Variants in UPF3A observed in about 807,000 individuals in gnomAD.
UPF3A encodes UPF3A regulator of nonsense mediated mRNA decay.
A neutral mutation model predicts 53.5 loss-of-function variants in UPF3A; 42 were observed. The ratio of observed to expected loss-of-function variants is 0.78; its 90% CI spans 0.61 to 1.01. UPF3A has a LOEUF of 1.01. Among genes scored for constraint, UPF3A ranks in the 50% least tolerant of loss-of-function variants. UPF3A has a pLI of 0.00. For synonymous variants in UPF3A, 237 were observed against 225.3 expected (o/e 1.05, Z -0.47); for missense variants, 575 against 598.0 (o/e 0.96, Z 0.40).
At chr13:114,282,276 C>T in intron 2 of UPF3A, 149 bp downstream of exon 2, 1 of 816,856 alleles carries the variant, frequency 1.2e-6, no homozygotes, top group African/African-American at 1.8e-5. Flanking sequence ...TAAAACGTGT[C>T]CGTTCCGTCA....
intron 3 of UPF3A, chr13:114,283,365 A>G (rs1050185584): frequency 6.5e-6 from 1 of 153,156 alleles, no homozygotes; most frequent in African/African-American, 2.4e-5. Flanking sequence ...AAATAAGTTT[A>G]TAAATTTTGA....
At chr13:114,282,253 A>T in intron 2 of UPF3A, 126 bp downstream of exon 2, 1 of 887,668 alleles carries the variant, frequency 1.1e-6, no homozygotes, top group South Asian at 1.8e-5. Flanking sequence ...CTTTTTGAAT[A>T]AATACATTTC....
In UPF3A at chr13:114,282,948, G is replaced by C. The variant is rs1487237287; in HGVS notation, c.421+5G>C. ...ATATCTTCCTTGACAGCAAAGGTTG[G>C]ATTATTGGTTTTTAAAAATCTATTA... On this transcript the variant is annotated splice_donor_5th_base_variant and intron_variant, in intron 3 of 9. Coordinates refer to ENST00000375299, the MANE Select transcript of UPF3A (RefSeq NM_023011.4). The C allele has an allele frequency of 1.3e-6, 2 of 1,583,444 alleles. No homozygotes were observed. The highest frequency in any genetic ancestry group is 2.7e-5 in the African/African-American group (2 of 73,806).
At chr13:114,301,670 G>A (rs2086620956) in intron 8 of UPF3A, 61 bp from the exon 9 acceptor site, 1 of 1,546,910 alleles carries the variant, frequency 6.5e-7, no homozygotes, top group East Asian at 2.3e-5. Flanking sequence ...GGTCTAGAAA[G>A]GAGGGTGGGC....
intron 8 of UPF3A, 72 bp downstream of exon 8, chr13:114,299,072 A>G: frequency 7.1e-7 from 1 of 1,417,318 alleles, no homozygotes; most frequent in Non-Finnish European, 9.3e-7. Context: ...CAGTATGAGT[A>G]TGCCTATTTC....
chr13:114,286,853 G>C (rs2084743279), intron 5 of UPF3A: 1 of 535,740 alleles, frequency 1.9e-6, no homozygotes, highest in Non-Finnish European at 3.4e-6. Context: ...TTTTAGTTAA[G>C]ATCATTTTAA....
chr13:114,287,589 CAAAA>C (rs940648494), intron 5 of UPF3A: 1 of 152,104 alleles, frequency 6.6e-6, no homozygotes, highest in African/African-American at 2.4e-5. Context: ...GACTCCATCT[CAAAA>C]AACCAATAAA....
chr13:114,300,331 A>C (rs1356059840), intron 8 of UPF3A, among the ~76,000 whole-genome samples: 3 of 152,294 alleles, frequency 2.0e-5, no homozygotes, highest in Admixed American at 2.0e-4. Context: ...TTTTATCTGT[A>C]GAAAAGAAGG....
chr13:114,298,923 C>T lies in UPF3A; in HGVS notation c.930C>T (p.Gly310=). 6.2e-7 allele frequency: 1 copy of T among 1,608,862 alleles called. No individual in the cohort carries two copies. Among genetic ancestry groups the T allele is most frequent in the Non-Finnish European group, 8.5e-7 (1 of 1,177,786 alleles). The change falls in exon 8 of 10, where the codon GGC becomes GGT. Residue 310 remains glycine, a synonymous_variant. Coordinates refer to ENST00000375299, the MANE Select transcript of UPF3A (RefSeq NM_023011.4). ...ERGEEIDTGG[G]KQESCAPGAV... ...GAGAGGAGATTGATACTGGAGGTGG[C>T]AAGCAGGAATCCTGTGCCCCCGGTG...
At chr13:114,304,704 C>A in intron 9 of UPF3A, 85 bp from the exon 10 acceptor site, 3 of 1,518,698 alleles carry the variant, frequency 2.0e-6, no homozygotes, top group Non-Finnish European at 2.7e-6. Context: ...CAATTCATAT[C>A]ATCAAGTTCT....
At chr13:114,292,636 C>T (rs1437965166) in intron 7 of UPF3A, among the ~76,000 whole-genome samples, 1 of 149,414 alleles carries the variant, frequency 6.7e-6, no homozygotes, top group Non-Finnish European at 1.5e-5. Flanking sequence ...AGGTGTGTTA[C>T]GTGTTCATTT....
intron 8 of UPF3A, 64 bp from the exon 9 acceptor site, chr13:114,301,667 A>C (rs2086620330): frequency 1.3e-6 from 2 of 1,541,150 alleles, no homozygotes; most frequent in African/African-American, 1.4e-5. Flanking sequence ...TGTGGTCTAG[A>C]AAGGAGGGTG....
rs370734483 is a variant in UPF3A at position 114,298,935 on chromosome 13, C to T, written c.942C>T (p.Ser314=). 1 of 1,610,644 alleles carries T rather than the reference C, an allele frequency of 6.2e-7. No individual in the cohort carries two copies. The highest frequency in any genetic ancestry group is 1.3e-5 in the African/African-American group (1 of 74,736). The change falls in exon 8 of 10, where the codon TCC becomes TCT. Residue 314 remains serine (S), a synonymous_variant. Transcript: ENST00000375299. ...ATACTGGAGGTGGCAAGCAGGAATC[C>T]TGTGCCCCCGGTGCAGTCGTAAAAG... ...EIDTGGGKQE[S]CAPGAVVKAR...
chr13:114,288,682 G>T (rs150368627), intron 5 of UPF3A, among the ~76,000 whole-genome samples: 11 of 152,200 alleles, frequency 7.2e-5, no homozygotes, highest in Admixed American at 2.0e-4. Flanking sequence ...AGAGATGAGC[G>T]TGTGTTTTGG....
rs536943663 is a variant in UPF3A, at chr13:114,294,945, T to C, written c.846+3153T>C. Among the ~76,000 whole-genome samples, 6 of 151,074 alleles carry C rather than the reference T, an allele frequency of 4.0e-5. No individual in the cohort carries two copies. The East Asian group carries it at 1.2e-3, about 29-fold the overall frequency. On this transcript the variant is annotated intron_variant, in intron 7 of 9. Transcript: ENST00000375299. ...GGCTAACACGGTGAAACCCTATCTC[T>C]ACTAAAAATACAAAAAATTAGCTGG...
chr13:114,284,255 G>A (rs1016481472), intron 3 of UPF3A, among the ~76,000 whole-genome samples: 3 of 152,050 alleles, frequency 2.0e-5, no homozygotes, highest in African/African-American at 4.8e-5. Flanking sequence ...CCAGCTACTC[G>A]GAAGACTGAG....
In UPF3A at chr13:114,281,802, G is replaced by T. The variant is rs1399862043; in HGVS notation, c.163G>T (p.Gly55Cys). 31 of 1,554,180 alleles carry T rather than the reference G, an allele frequency of 2.0e-5. No homozygotes were observed. Among genetic ancestry groups the T allele is most frequent in the Non-Finnish European group, 2.7e-5 (31 of 1,149,774 alleles). ...AACTTCGTCCTCCGGTTGCGGGGGCGGTGCGGGCAAACCTCGCGAGGAGAA... is the reference window on the plus strand; with the variant it reads ...AACTTCGTCCTCCGGTTGCGGGGGCTGTGCGGGCAAACCTCGCGAGGAGAA... ...PPTSSSGCGG[G>C]AGKPREEKRT... The change falls in exon 1 of 10, where the codon GGT (glycine) becomes TGT (cysteine). Residue 55 changes from glycine (G) to cysteine (C), a missense_variant. By Grantham distance (159) the Gly-to-Cys change is radical (BLOSUM62 -3). Transcript: ENST00000375299.
chr13:114,289,522 C>CAA (rs144534172), intron 5 of UPF3A, among the ~76,000 whole-genome samples: 11 of 103,510 alleles, frequency 1.1e-4, no homozygotes, highest in African/African-American at 1.9e-4. Flanking sequence ...GACTCCATCT[C>CAA]AAAAAAAAAA....
chr13:114,301,184 A>AAACG (rs1212019948), intron 8 of UPF3A, among the ~76,000 whole-genome samples: 13 of 151,796 alleles, frequency 8.6e-5, no homozygotes, highest in Non-Finnish European at 1.5e-5. Flanking sequence ...TAGCATGGCC[A>AAACG]GGCACGGTGG....
Sources: allele counts gnomAD v4.1 joint callset (sites outside exome capture counted in the v4.1 genomes callset), GRCh38; gene constraint gnomAD v4.1.1; transcripts MANE v1.5; gene names NCBI Gene and HGNC (gene_info 2026-07-23, HGNC 2026-07-21).